The following TSG101 variants were observed in gnomAD, a reference collection of about 807,000 sequenced individuals.
The protein encoded by TSG101 is tumor susceptibility 101, also known as tumor susceptibility gene 101 protein.
TSG101 carries 19 observed loss-of-function variants against 48.5 expected under a neutral mutation model. The ratio of observed to expected loss-of-function variants is 0.39; its 90% CI spans 0.27 to 0.58. The LOEUF is 0.58. TSG101 is among the 20% of genes least tolerant of loss of function. TSG101 has a pLI of 0.55. For synonymous variants in TSG101, 174 were observed against 169.4 expected, an observed-to-expected ratio of 1.03 and a Z score of -0.21; for missense variants, 365 against 484.4, an observed-to-expected ratio of 0.75 and a Z score of 2.31.
intron 7 of TSG101, among the ~76,000 whole-genome samples, chr11:18,488,611 G>A (rs1264842039): frequency 6.6e-6 from 1 of 152,112 alleles, no homozygotes; most frequent in African/African-American, 2.4e-5. Flanking sequence ...TTGAGAACTG[G>A]AGGAAGACAG....
At chr11:18,483,497 A>ATCTC in intron 8 of TSG101, among the ~76,000 whole-genome samples, 1 of 151,236 alleles carries the variant, frequency 6.6e-6, no homozygotes, top group African/African-American at 2.4e-5. Context: ...CTCTCAAAAA[A>ATCTC]AAAAAAAAAA....
intron 9 of TSG101, chr11:18,481,219 T>C (rs1360842965): frequency 2.2e-6 from 2 of 920,818 alleles, no homozygotes; most frequent in Non-Finnish European, 2.6e-6. Context: ...CCTGATACTT[T>C]GATGTGGGAA....
At chr11:18,481,193 G>A in intron 9 of TSG101, 1 of 756,844 alleles carries the variant, frequency 1.3e-6, no homozygotes, top group Non-Finnish European at 1.6e-6. Context: ...TCATACAAGA[G>A]GGCTTGAAAG....
intron 7 of TSG101, among the ~76,000 whole-genome samples, chr11:18,488,553 AAT>A (rs1157297874): frequency 6.6e-6 from 1 of 152,156 alleles, no homozygotes; most frequent in Non-Finnish European, 1.5e-5. Flanking sequence ...GATATTTAAA[AAT>A]ACTTTTTTGA....
intron 8 of TSG101, among the ~76,000 whole-genome samples, chr11:18,482,596 T>A (rs1354974153): frequency 1.3e-5 from 2 of 152,224 alleles, no homozygotes; most frequent in Non-Finnish European, 2.9e-5. Context: ...TTATCATCAT[T>A]AAGCAAAGCC....
chr11:18,483,332 T>A (rs1437429256), intron 8 of TSG101, among the ~76,000 whole-genome samples: 1 of 151,722 alleles, frequency 6.6e-6, no homozygotes, highest in Non-Finnish European at 1.5e-5. Flanking sequence ...CCGTCTCTAC[T>A]AAAAAATACA....
chr11:18,503,343 C>A (rs1328249412), intron 6 of TSG101, among the ~76,000 whole-genome samples: 1 of 151,836 alleles, frequency 6.6e-6, no homozygotes, highest in African/African-American at 2.4e-5. Context: ...TAACATTTTT[C>A]CCTCAAGCTT....
Position 18,481,850 on chromosome 11 carries a change from A to G in TSG101, c.863T>C (p.Ile288Thr), listed in dbSNP as rs747361251. The change falls in exon 9 of 10, where the codon ATA (isoleucine) becomes ACA (threonine). Residue 288 changes from isoleucine (I) to threonine (T), a missense_variant. By Grantham distance (89) the Ile-to-Thr change is moderately conservative (BLOSUM62 -1). Transcript: ENST00000251968. ...DQEVAEVDKN[I>T]ELLKKKDEEL... ...TTCATCCTTCTTTTTCAAAAGTTCT[A>G]TGTTTTTATCAACCTCGGCCTGAAA... is the stretch of plus-strand genomic sequence containing the variant. 4.3e-6 allele frequency: 7 copies of G among 1,613,348 alleles called. No homozygotes were observed. Among genetic ancestry groups the G allele is most frequent in the Admixed American group, 1.7e-5 (1 of 60,004 alleles).
intron 8 of TSG101, 112 bp downstream of exon 8, chr11:18,483,758 C>A: frequency 2.8e-6 from 3 of 1,058,398 alleles, no homozygotes; most frequent in Non-Finnish European, 4.2e-6. Context: ...TTTAAAGATG[C>A]CTATAATTTT....
intron 7 of TSG101, among the ~76,000 whole-genome samples, chr11:18,484,935 CTT>C (rs529154247): frequency 0.011 from 1,203 of 107,956 alleles, 8 homozygotes; most frequent in East Asian, 0.07. Context: ...TAATTGCCGC[CTT>C]TTTTTTTTTT....
intron 1 of TSG101, among the ~76,000 whole-genome samples, chr11:18,526,252 A>G (rs1850370917): frequency 6.6e-6 from 1 of 152,152 alleles, no homozygotes; most frequent in African/African-American, 2.4e-5. Context: ...AATCCCTGAA[A>G]TGGTAATGGT....
chr11:18,512,942 C>G (rs145573466), intron 4 of TSG101, among the ~76,000 whole-genome samples: 1 of 151,508 alleles, frequency 6.6e-6, no homozygotes, highest in Non-Finnish European at 1.5e-5. Context: ...TGGCCAGGCT[C>G]GTCTCAAACT....
At chr11:18,525,443 G>A (rs1466250262) in intron 1 of TSG101, among the ~76,000 whole-genome samples, 2 of 151,510 alleles carry the variant, frequency 1.3e-5, no homozygotes, top group African/African-American at 4.8e-5. Flanking sequence ...CTACTTGGGA[G>A]GCTAAGGCAG....
intron 5 of TSG101, among the ~76,000 whole-genome samples, chr11:18,507,150 A>T (rs1197195802): frequency 6.6e-6 from 1 of 152,264 alleles, no homozygotes; most frequent in Non-Finnish European, 1.5e-5. Context: ...ACTGGCAAAC[A>T]GGTCAACCTG....
intron 6 of TSG101, among the ~76,000 whole-genome samples, chr11:18,506,636 G>A (rs1849978932): frequency 6.6e-6 from 1 of 151,940 alleles, no homozygotes; most frequent in East Asian, 1.9e-4. Context: ...GTTGCAGTGA[G>A]CCGAGATTGC....
chr11:18,506,113 G>A (rs1203543590), intron 6 of TSG101, among the ~76,000 whole-genome samples: 2 of 152,124 alleles, frequency 1.3e-5, no homozygotes, highest in African/African-American at 2.4e-5. Context: ...ACAGGTGTGA[G>A]CTACCACACC....
At chr11:18,518,062 T>C (rs1334298554) in intron 2 of TSG101, among the ~76,000 whole-genome samples, 1 of 152,234 alleles carries the variant, frequency 6.6e-6, no homozygotes, top group Non-Finnish European at 1.5e-5. Context: ...GTAAAAACTA[T>C]AAAATTCTAG....
chr11:18,490,816 G>A (rs1484340635), intron 7 of TSG101: 1 of 544,748 alleles, frequency 1.8e-6, no homozygotes, highest in African/African-American at 1.9e-5. Flanking sequence ...TGTTCTTGTA[G>A]GCAACAGAGA....
In TSG101 at chr11:18,523,534, G is replaced by A. The variant is rs536234943; in HGVS notation, c.42+3241C>T. On this transcript the variant is annotated intron_variant, in intron 1 of 9. Transcript: ENST00000251968. ...TTATTTGTTTTTGAGATGGATTCTC[G>A]CTTTGTCACCCAGGCTGGAGTGCAG... Among the ~76,000 whole-genome samples the A allele has an allele frequency of 8.6e-5, 13 of 151,868 alleles. No individual in the cohort carries two copies. The East Asian group carries it at 2.5e-3, about 29-fold the overall frequency.
Sources: gnomAD v4.1 joint callset for allele counts (sites outside exome capture counted in the v4.1 genomes callset) on GRCh38, gnomAD v4.1.1 for gene constraint, MANE v1.5 for transcripts, NCBI Gene and HGNC (gene_info 2026-07-23, HGNC 2026-07-21) for gene names.